Variants in AK8 observed in about 807,000 individuals in gnomAD.
AK8 encodes adenylate kinase 8.
Under a neutral mutation model 54.6 loss-of-function variants are expected in AK8, and 44 were observed. That is an observed-to-expected ratio of 0.81 (90% CI 0.63 to 1.04). The LOEUF (loss-of-function observed/expected upper bound fraction) is 1.04, where lower values mean the gene tolerates loss of function less well. Among genes scored for constraint, AK8 ranks in the 50% least tolerant of loss-of-function variants. The pLI, the probability that AK8 is intolerant of heterozygous loss-of-function variation, is 0.00. For missense variants in AK8, 555 were observed against 613.6 expected, an observed-to-expected ratio of 0.90 and a Z score of 1.01; for synonymous variants, 239 against 245.6, an observed-to-expected ratio of 0.97 and a Z score of 0.25.
At chr9:132,745,813 C>T (rs1279783086) in intron 11 of AK8, among the ~76,000 whole-genome samples, 1 of 152,182 alleles carries the variant, frequency 6.6e-6, no homozygotes, top group Non-Finnish European at 1.5e-5. Context: ...TCCATCCGTA[C>T]AAGGTGGCCA....
chr9:132,761,292 G>A (rs1275056731), intron 11 of AK8, among the ~76,000 whole-genome samples: 1 of 142,914 alleles, frequency 7.0e-6, no homozygotes, highest in African/African-American at 2.7e-5. Flanking sequence ...TTTGAGACAG[G>A]GTCTCACTCA....
At chr9:132,842,175 A>G (rs1842570970) in intron 5 of AK8, among the ~76,000 whole-genome samples, 1 of 152,218 alleles carries the variant, frequency 6.6e-6, no homozygotes, top group Non-Finnish European at 1.5e-5. Flanking sequence ...AACCATTATT[A>G]GGGCATCCGG....
At chr9:132,738,752 CTTTT>C (rs754082140) in intron 11 of AK8, among the ~76,000 whole-genome samples, 1 of 120,802 alleles carries the variant, frequency 8.3e-6, no homozygotes, top group Non-Finnish European at 1.7e-5. Flanking sequence ...ATGTTCATGA[CTTTT>C]TTTTTTTTTT....
At chr9:132,757,203 CCCA>C (rs1838230956) in intron 11 of AK8, among the ~76,000 whole-genome samples, 1 of 152,174 alleles carries the variant, frequency 6.6e-6, no homozygotes, top group Non-Finnish European at 1.5e-5. Flanking sequence ...CCTGGTGATT[CCCA>C]CCGTTAGCGG....
chr9:132,814,459 A>T (rs1206225457), intron 10 of AK8, among the ~76,000 whole-genome samples, 179 bp downstream of exon 10: 3 of 152,086 alleles, frequency 2.0e-5, no homozygotes, highest in Non-Finnish European at 4.4e-5. Flanking sequence ...GATCGGGCTC[A>T]GACACCAAGA....
At chr9:132,765,119 C>T (rs1395384496) in intron 11 of AK8, among the ~76,000 whole-genome samples, 7 of 151,562 alleles carry the variant, frequency 4.6e-5, no homozygotes, top group East Asian at 3.9e-4. Context: ...ACGGTGAAAC[C>T]GCATCTCTAC....
At chr9:132,766,686 C>A (rs1295541282) in intron 11 of AK8, among the ~76,000 whole-genome samples, 1 of 151,680 alleles carries the variant, frequency 6.6e-6, no homozygotes, top group Non-Finnish European at 1.5e-5. Context: ...TCCAAATAGC[C>A]AAAACAATTT....
intron 10 of AK8, among the ~76,000 whole-genome samples, chr9:132,814,423 C>G (rs423219): frequency 0.2 from 30,946 of 151,904 alleles, 3,445 homozygotes; most frequent in East Asian, 0.44. Flanking sequence ...ATAACCCCCC[C>G]ACATCCACAA....
chr9:132,733,233 A>C (rs77169415), intron 11 of AK8, among the ~76,000 whole-genome samples: 3 of 151,856 alleles, frequency 2.0e-5, no homozygotes, highest in Non-Finnish European at 2.9e-5. Context: ...AAAAAAAAAA[A>C]CATGCGAGAT....
chr9:132,794,173 A>G (rs996469233), intron 10 of AK8, among the ~76,000 whole-genome samples: 15 of 152,216 alleles, frequency 9.9e-5, no homozygotes, highest in African/African-American at 3.6e-4. Context: ...GTCCCTAGGA[A>G]AGAGCAGAAA....
At chr9:132,834,971 G>A (rs1220369179) in intron 5 of AK8, among the ~76,000 whole-genome samples, 1 of 151,860 alleles carries the variant, frequency 6.6e-6, no homozygotes, top group Non-Finnish European at 1.5e-5. Context: ...CCGGGTTCAA[G>A]TGATTCTCCT....
chr9:132,778,487 G>A (rs897285919), intron 11 of AK8, among the ~76,000 whole-genome samples: 3 of 152,192 alleles, frequency 2.0e-5, no homozygotes, highest in Non-Finnish European at 4.4e-5. Context: ...TAATGAAAGA[G>A]AGAGAGAGTG....
At chr9:132,848,115 C>CAAGAAAAAA (rs1842825242) in intron 5 of AK8, among the ~76,000 whole-genome samples, 1 of 52,538 alleles carries the variant, frequency 1.9e-5, no homozygotes, top group East Asian at 6.5e-4. Context: ...CACCCTGTTT[C>CAAGAAAAAA]AAAAAAAAAA....
intron 11 of AK8, among the ~76,000 whole-genome samples, chr9:132,741,750 T>G (rs1837403624): frequency 6.6e-6 from 1 of 152,194 alleles, no homozygotes; most frequent in African/African-American, 2.4e-5. Context: ...ACAATCTAAG[T>G]ATGGAACATT....
intron 5 of AK8, among the ~76,000 whole-genome samples, chr9:132,853,783 CAAAAAAAA>C (rs71376669): frequency 4.7e-5 from 2 of 42,600 alleles, no homozygotes; most frequent in East Asian, 7.7e-4. Flanking sequence ...GACTCTGCCT[CAAAAAAAA>C]AAAAAAAAAA....
chr9:132,743,821 G>A (rs984675081), intron 11 of AK8, among the ~76,000 whole-genome samples: 1 of 152,194 alleles, frequency 6.6e-6, no homozygotes, highest in East Asian at 1.9e-4. Context: ...CATTTCGAGG[G>A]TGCAAAGACT....
At chr9:132,772,872 A>G (rs1007544483) in intron 11 of AK8, among the ~76,000 whole-genome samples, 1 of 152,152 alleles carries the variant, frequency 6.6e-6, no homozygotes, top group African/African-American at 2.4e-5. Flanking sequence ...CCACCTCCAC[A>G]GCTACCACCC....
chr9:132,734,727 C>T (rs982447888), intron 11 of AK8, among the ~76,000 whole-genome samples: 1 of 152,016 alleles, frequency 6.6e-6, no homozygotes, highest in African/African-American at 2.4e-5. Context: ...CAGAGAAAGA[C>T]CCTGTCTAAA....
chr9:132,744,784 T>C (rs1837559494), intron 11 of AK8, among the ~76,000 whole-genome samples: 6 of 152,142 alleles, frequency 3.9e-5, no homozygotes, highest in Admixed American at 3.9e-4. Flanking sequence ...ACAGAAATAA[T>C]AACCACTGTG....
Sources: gnomAD v4.1 joint callset for allele counts (sites outside exome capture counted in the v4.1 genomes callset) on GRCh38, gnomAD v4.1.1 for gene constraint, MANE v1.5 for transcripts, NCBI Gene and HGNC (gene_info 2026-07-23, HGNC 2026-07-21) for gene names.